Variants in SSX2IP observed in about 807,000 individuals in gnomAD.
SSX2IP encodes SSX family member 2 interacting protein, also known as afadin- and alpha-actinin-binding protein.
Under a neutral mutation model 84.9 loss-of-function variants are expected in SSX2IP, and 55 were observed. The ratio of observed to expected loss-of-function variants is 0.65; its 90% confidence interval spans 0.52 to 0.81. The LOEUF is 0.81. Among genes scored for constraint, SSX2IP ranks in the 30% least tolerant of loss-of-function variants. SSX2IP has a pLI of 0.00. For synonymous variants in SSX2IP, 239 were observed against 234.7 expected, an observed-to-expected ratio of 1.02 and a Z score of -0.17; for missense variants, 664 against 705.2, an observed-to-expected ratio of 0.94 and a Z score of 0.66.
In SSX2IP at chr1:84,661,123, A is replaced by G. The variant is rs146013996; in HGVS notation, c.927+1075T>C. Among the ~76,000 whole-genome samples the G allele has an allele frequency of 1.5e-3, 223 of 151,432 alleles. 1 individual carries two copies. The highest frequency in any genetic ancestry group is 7.8e-3 in the East Asian group (40 of 5,158). The stretch of plus-strand genomic sequence containing the variant: ...ATTTTTTTTTTTAAATGTTAAGGAG[A>G]AAAAAAGGTAAGTGCTGGGATGGGC... On this transcript the variant is annotated intron_variant, in intron 8 of 13. Transcript: ENST00000342203.
At position 84,647,409 on chromosome 1, in the gene SSX2IP, T is replaced by C; in HGVS notation, c.*24A>G. 1.9e-6 allele frequency: 3 copies of C among 1,545,470 alleles called. No individual in the cohort carries two copies. The highest frequency in any genetic ancestry group is 2.6e-6 in the Non-Finnish European group (3 of 1,145,302). ...ATGTGAAACTTGATGAACACATTAA[T>C]GAAAAAAATTCCAGTCCACATGTCT... On this transcript the variant is annotated 3_prime_UTR_variant, in exon 14 of 14. Transcript: ENST00000342203.
chr1:84,647,380 T>C lies in SSX2IP; in HGVS notation c.*53A>G. The stretch of plus-strand genomic sequence containing the variant: ...ACTTTATGACACACCCTGTTTCAAC[T>C]TAGATGTGAAACTTGATGAACACAT... On this transcript the variant is annotated 3_prime_UTR_variant, in exon 14 of 14. Coordinates refer to ENST00000342203, the MANE Select transcript of SSX2IP (RefSeq NM_001166293.2). 1 of 1,468,272 alleles carries C rather than the reference T, an allele frequency of 6.8e-7. No individual in the cohort carries two copies. The highest frequency in any genetic ancestry group is 1.4e-5 in the South Asian group (1 of 69,098). 91.0% of individuals were successfully genotyped at this position (1,468,272 alleles called of 1,614,324 possible). A position where few individuals can be genotyped will look rare whatever the true frequency, so the allele number is the denominator to read the frequency against.
Position 84,647,145 on chromosome 1 carries a change from C to A in SSX2IP, c.*288G>T, listed in dbSNP as rs967703931. On this transcript the variant is annotated 3_prime_UTR_variant, in exon 14 of 14. Coordinates refer to ENST00000342203, the MANE Select transcript of SSX2IP (RefSeq NM_001166293.2). ...TTTCCTAAAAGTGCTATTTTTAATA[C>A]CTATAAGAGGAAACTCAGTCTAGTG... 1.4e-4 allele frequency: 32 copies of A among 228,696 alleles called. No homozygotes were observed. The highest frequency in any genetic ancestry group is 6.9e-4 in the African/African-American group (31 of 44,654). The allele number at this position is 228,696 out of a possible 1,614,324, so 14.2% of individuals were successfully genotyped here. A position where few individuals can be genotyped will look rare whatever the true frequency, so the allele number is the denominator to read the frequency against.
chr1:84,648,971 C>T (rs1197659927), intron 13 of SSX2IP, among the ~76,000 whole-genome samples: 1 of 152,154 alleles, frequency 6.6e-6, no homozygotes, highest in Non-Finnish European at 1.5e-5. Flanking sequence ...ATATTACAGA[C>T]TCCTACAATC....
intron 1 of SSX2IP, among the ~76,000 whole-genome samples, chr1:84,676,692 C>A (rs1422833812): frequency 7.3e-6 from 1 of 136,454 alleles, no homozygotes; most frequent in African/African-American, 2.7e-5. Context: ...GGAAACAAAT[C>A]TGATTTCAAG....
chr1:84,647,719 C>T, intron 13 of SSX2IP, 112 bp from the exon 14 acceptor site: 1 of 740,416 alleles, frequency 1.4e-6, no homozygotes, highest in Non-Finnish European at 1.9e-6. Context: ...TTCTAAAAAT[C>T]TAGGCCAAAA....
chr1:84,670,657 A>G lies in SSX2IP; in HGVS notation c.202T>C (p.Tyr68His). The change falls in exon 3 of 14, where the codon TAT becomes CAT. Residue 68 changes from tyrosine (Y) to histidine (H), a missense_variant. By Grantham distance (83) the Tyr-to-His change is moderately conservative. Coordinates refer to ENST00000342203, the MANE Select transcript of SSX2IP (RefSeq NM_001166293.2). ...TEDNIEQSIS[Y>H]LDQELTTFGF... ...CAAAAACATGTTACCTGATCAAGAT[A>G]TGAGATACTCTGTTCAATATTATCT... The G allele has an allele frequency of 1.2e-6, 2 of 1,602,994 alleles. No homozygotes were observed. Among genetic ancestry groups the G allele is most frequent in the African/African-American group, 1.3e-5 (1 of 74,664 alleles).
intron 1 of SSX2IP, among the ~76,000 whole-genome samples, chr1:84,676,455 T>C (rs1471905452): frequency 6.6e-6 from 1 of 152,184 alleles, no homozygotes; most frequent in African/African-American, 2.4e-5. Flanking sequence ...TACACTGTCT[T>C]CCCTATATGT....
intron 1 of SSX2IP, among the ~76,000 whole-genome samples, chr1:84,677,670 T>C (rs1654558260): frequency 2.0e-5 from 3 of 152,204 alleles, no homozygotes; most frequent in African/African-American, 7.2e-5. Flanking sequence ...GTTTTTTTAC[T>C]TGTTGCCCTC....
intron 4 of SSX2IP, among the ~76,000 whole-genome samples, chr1:84,667,443 G>A (rs1044097831): frequency 2.6e-5 from 4 of 152,038 alleles, no homozygotes; most frequent in Admixed American, 2.0e-4. Flanking sequence ...GCAAAGGGTC[G>A]CTAACAGGCA....
chr1:84,668,718 C>T (rs1349181550), intron 4 of SSX2IP, among the ~76,000 whole-genome samples: 1 of 152,060 alleles, frequency 6.6e-6, no homozygotes, highest in African/African-American at 2.4e-5. Context: ...CCTATTATTC[C>T]CTCACAGAGC....
chr1:84,671,068 T>G, intron 2 of SSX2IP, 109 bp downstream of exon 2: 2 of 1,302,010 alleles, frequency 1.5e-6, no homozygotes, highest in Non-Finnish European at 2.1e-6. Context: ...CAACGATTTG[T>G]CTCTCTTTAG....
At chr1:84,684,704 A>T (rs1655549185) in intron 1 of SSX2IP, among the ~76,000 whole-genome samples, 2 of 152,222 alleles carry the variant, frequency 1.3e-5, no homozygotes. Flanking sequence ...CAAGAGTATC[A>T]CCCTGGAAAC....
In SSX2IP at chr1:84,655,915, A is replaced by G. The variant is rs759552970; in HGVS notation, c.1306T>C (p.Trp436Arg). 2 of 1,613,978 alleles carry G rather than the reference A, an allele frequency of 1.2e-6. No individual in the cohort carries two copies. The highest frequency in any genetic ancestry group is 1.1e-5 in the South Asian group (1 of 91,070). ...TTTTTCTGCTCTTTAAAAAGGGACC[A>G]TTCTTCTTTGAGACGTTCCTTTTCT... ...LEEKERLKEE[W>R]SLFKEQKKNF... The change falls in exon 11 of 14, where the codon TGG becomes CGG. Residue 436 changes from tryptophan (W) to arginine (R), a missense_variant. Transcript: ENST00000342203.
At chr1:84,650,199 T>TATATACTGGAA (rs1553124656) in intron 13 of SSX2IP, 163 bp downstream of exon 13, 2 of 691,708 alleles carry the variant, frequency 2.9e-6, no homozygotes, top group African/African-American at 3.6e-5. Flanking sequence ...ACAGTGTCTA[T>TATATACTGGAA]ATATACTGGA....
Position 84,669,704 on chromosome 1 carries a change from G to A in SSX2IP, c.403C>T (p.Gln135Ter). 6.2e-7 allele frequency: 1 copy of A among 1,613,664 alleles called. No homozygotes were observed. The highest frequency in any genetic ancestry group is 8.5e-7 in the Non-Finnish European group (1 of 1,179,684). The change falls in exon 4 of 14, where the codon CAG becomes TAG. Residue 135 changes from glutamine to a stop codon, truncating the protein, a stop_gained. Transcript: ENST00000342203. LOFTEE classifies it high-confidence loss of function. ...LKLGSDMDHL[Q>*]SCYSKLKEQL... ...ACCTTAAGTTTTGAGTAGCAGCTCTGTAGATGGTCCATATCACTTCCCAGC... is the reference window on the plus strand; with the variant it reads ...ACCTTAAGTTTTGAGTAGCAGCTCTATAGATGGTCCATATCACTTCCCAGC...
intron 1 of SSX2IP, among the ~76,000 whole-genome samples, chr1:84,689,819 T>C (rs981518346): frequency 3.3e-5 from 5 of 152,240 alleles, no homozygotes; most frequent in African/African-American, 1.2e-4. Context: ...TGCCTGCCTC[T>C]TGGATGATGT....
intron 3 of SSX2IP, 139 bp downstream of exon 3, chr1:84,670,507 C>A: frequency 1.8e-6 from 1 of 557,666 alleles, no homozygotes; most frequent in South Asian, 3.0e-5. Context: ...AGATAATCAC[C>A]AAGGTTCTCT....
rs201295739 is a variant in SSX2IP, at chr1:84,670,857, C to T, written c.44-42G>A. On this transcript the variant is annotated intron_variant, in intron 2 of 13. Coordinates refer to ENST00000342203, the MANE Select transcript of SSX2IP (RefSeq NM_001166293.2). ...CATCTATATAAATAATTTAGAAAAA[C>T]GTATGTAAAGCTAACATAATCGCCA... 9.9e-5 allele frequency: 148 copies of T among 1,497,258 alleles called. No individual in the cohort carries two copies. The East Asian group carries it at 2.6e-3, about 26-fold the overall frequency. The allele number at this position is 1,497,258 out of a possible 1,614,324, so 92.7% of individuals were successfully genotyped here. A position where few individuals can be genotyped will look rare whatever the true frequency, so the allele number is the denominator to read the frequency against.
Sources: gnomAD v4.1 joint callset for allele counts (sites outside exome capture counted in the v4.1 genomes callset) on GRCh38, gnomAD v4.1.1 for gene constraint, MANE v1.5 for transcripts, NCBI Gene and HGNC (gene_info 2026-07-23, HGNC 2026-07-21) for gene names.